ADGRB3: variants seen among roughly 807,000 people sequenced by gnomAD.
ADGRB3 encodes adhesion G protein-coupled receptor B3.
A neutral mutation model predicts 193.4 loss-of-function variants in ADGRB3; 37 were observed. That is an observed-to-expected ratio of 0.19 (90% confidence interval 0.15 to 0.25). The LOEUF is 0.25. Among genes scored for constraint, ADGRB3 ranks in the 10% least tolerant of loss-of-function variants. The pLI, the probability that ADGRB3 is intolerant of heterozygous loss-of-function variation, is 1.00. For synonymous variants in ADGRB3, 690 were observed against 644.2 expected, an observed-to-expected ratio of 1.07 and a Z score of -1.08; for missense variants, 1,637 against 1,852.9, an observed-to-expected ratio of 0.88 and a Z score of 2.14.
At chr6:68,848,621 A>C (rs1208462416) in intron 3 of ADGRB3, among the ~76,000 whole-genome samples, 3 of 152,030 alleles carry the variant, frequency 2.0e-5, no homozygotes, top group Non-Finnish European at 2.9e-5. Context: ...ACATAATTCT[A>C]TTTAAATATG....
chr6:69,087,015 A>G (rs576376730), intron 17 of ADGRB3, among the ~76,000 whole-genome samples: 7 of 152,274 alleles, frequency 4.6e-5, no homozygotes, highest in African/African-American at 1.7e-4. Flanking sequence ...ATTCTGTCCA[A>G]CAAGGTACTA....
chr6:68,919,285 T>C (rs1318974936), intron 3 of ADGRB3, among the ~76,000 whole-genome samples: 6 of 152,222 alleles, frequency 3.9e-5, no homozygotes, highest in African/African-American at 1.4e-4. Context: ...ATTTTATATT[T>C]ATTTATTCAT....
intron 3 of ADGRB3, among the ~76,000 whole-genome samples, chr6:68,768,942 T>C (rs1766564881): frequency 6.6e-6 from 1 of 151,572 alleles, no homozygotes; most frequent in Non-Finnish European, 1.5e-5. Context: ...AAAAAAAAGC[T>C]CATCAACACT....
chr6:68,661,538 C>CATATATATATATATATATAT (rs66836065), intron 3 of ADGRB3, among the ~76,000 whole-genome samples: 4 of 91,824 alleles, frequency 4.4e-5, no homozygotes, highest in East Asian at 5.3e-4. Flanking sequence ...TATGTGTATA[C>CATATATATATATATATATAT]ATATATATAT....
chr6:69,061,791 G>A (rs554628688), intron 15 of ADGRB3, among the ~76,000 whole-genome samples: 1 of 43,524 alleles, frequency 2.3e-5, no homozygotes, highest in South Asian at 1.8e-3. Context: ...ACAGCAGCAT[G>A]TCCGTGGTTG....
At chr6:68,798,271 T>G (rs1767248413) in intron 3 of ADGRB3, among the ~76,000 whole-genome samples, 1 of 152,220 alleles carries the variant, frequency 6.6e-6, no homozygotes, top group South Asian at 2.1e-4. Context: ...TCATAAGCCT[T>G]CTATGTGCCA....
intron 3 of ADGRB3, among the ~76,000 whole-genome samples, chr6:68,669,604 TTG>T (rs59849376): frequency 0.11 from 14,503 of 134,474 alleles, 795 homozygotes; most frequent in Middle Eastern, 0.16. Context: ...TAATACTCCA[TTG>T]TGTGTGTGTG....
chr6:68,673,941 A>G (rs561746244), intron 3 of ADGRB3, among the ~76,000 whole-genome samples: 1 of 152,114 alleles, frequency 6.6e-6, no homozygotes, highest in Non-Finnish European at 1.5e-5. Context: ...TTACTGGAAG[A>G]GTTGCCAAAA....
At position 69,013,987 on chromosome 6, in the gene ADGRB3, AG is replaced by A. The variant is rs1399167350; in HGVS notation, c.1930-50del. The A allele has an allele frequency of 2.3e-6, 3 of 1,291,218 alleles. No homozygotes were observed. In the African/African-American group the frequency reaches 4.5e-5, roughly 20 times the overall value. 80.0% of individuals were successfully genotyped at this position (1,291,218 alleles called of 1,614,324 possible). ...TCAACCCAAATGGGTGTTATTAAAA[AG>A]TATAATTCTCTCATGTAATATTAAA... On this transcript the variant is annotated intron_variant, in intron 11 of 31. Transcript: ENST00000370598.
chr6:69,220,715 G>A (rs1765875030), intron 17 of ADGRB3, among the ~76,000 whole-genome samples: 4 of 152,182 alleles, frequency 2.6e-5, no homozygotes, highest in Non-Finnish European at 5.9e-5. Flanking sequence ...TGAGGGTTCA[G>A]CGCTGCCCTT....
At chr6:69,072,986 G>A (rs527460752) in intron 16 of ADGRB3, among the ~76,000 whole-genome samples, 88 of 152,266 alleles carry the variant, frequency 5.8e-4, no homozygotes, top group African/African-American at 1.9e-3. Context: ...TGCCGTCTGT[G>A]AGAACCAGAT....
chr6:69,211,695 G>A (rs1192709821), intron 17 of ADGRB3, among the ~76,000 whole-genome samples: 1 of 151,832 alleles, frequency 6.6e-6, no homozygotes, highest in Non-Finnish European at 1.5e-5. Context: ...CAAATGTATG[G>A]CCAGAGACTT....
chr6:69,292,527 G>A (rs1018497578), intron 20 of ADGRB3, among the ~76,000 whole-genome samples: 1 of 152,006 alleles, frequency 6.6e-6, no homozygotes, highest in Admixed American at 6.6e-5. Flanking sequence ...GGCATTCCTT[G>A]TCTGTCCATT....
chr6:69,135,897 T>C (rs906671810), intron 17 of ADGRB3, among the ~76,000 whole-genome samples: 1 of 152,074 alleles, frequency 6.6e-6, no homozygotes, highest in Non-Finnish European at 1.5e-5. Flanking sequence ...ATGCTCCCTC[T>C]ACAAAAGATT....
chr6:69,007,848 T>A (rs1769810951), intron 11 of ADGRB3, among the ~76,000 whole-genome samples: 2 of 152,080 alleles, frequency 1.3e-5, no homozygotes, highest in South Asian at 4.1e-4. Flanking sequence ...AATAAAAATA[T>A]ATTTCCCACA....
chr6:68,970,397 G>T (rs1218942385), intron 8 of ADGRB3, among the ~76,000 whole-genome samples: 1 of 151,556 alleles, frequency 6.6e-6, no homozygotes, highest in African/African-American at 2.4e-5. Flanking sequence ...CAATTCTTCT[G>T]CTTCAGCACC....
intron 3 of ADGRB3, among the ~76,000 whole-genome samples, chr6:68,766,963 T>C (rs1766521703): frequency 1.3e-5 from 2 of 152,060 alleles, no homozygotes; most frequent in African/African-American, 4.8e-5. Context: ...TATTACACTC[T>C]TTTTTGGAAT....
intron 17 of ADGRB3, among the ~76,000 whole-genome samples, chr6:69,229,868 C>T (rs548257551): frequency 6.6e-6 from 1 of 152,180 alleles, no homozygotes; most frequent in Non-Finnish European, 1.5e-5. Flanking sequence ...GGAAAGGCAT[C>T]AAGTAAATAT....
At position 69,361,422 on chromosome 6, in the gene ADGRB3, T is replaced by G. The variant is rs140810731; in HGVS notation, c.4149T>G (p.Ala1383=). The G allele has an allele frequency of 1.2e-6, 2 of 1,612,870 alleles. No homozygotes were observed. Among genetic ancestry groups the G allele is most frequent in the African/African-American group, 2.7e-5 (2 of 74,814 alleles). Residue 1383 remains alanine (A), a synonymous_variant, in exon 29 of 32, where the codon GCT becomes GCG. Transcript: ENST00000370598. ...MQNLPFEPRT[A]VKNFMASELD... ...ATTTGCCCTTTGAACCTCGCACAGC[T>G]GTGAAGAATTTCATGGCCTCTGAGT...
Sources: allele counts gnomAD v4.1 joint callset (sites outside exome capture counted in the v4.1 genomes callset), GRCh38; gene constraint gnomAD v4.1.1; transcripts MANE v1.5; gene names NCBI Gene and HGNC (gene_info 2026-07-23, HGNC 2026-07-21).